Variants in CMC1 observed in about 807,000 individuals in gnomAD.
CMC1 encodes COX assembly mitochondrial protein homolog.
CMC1 carries 14 observed loss-of-function variants against 14.1 expected under a neutral mutation model. The observed-to-expected ratio is 0.99, with a 90% CI of 0.66 to 1.55. The LOEUF is 1.55. Ranked by LOEUF, CMC1 falls within the 40% of genes most tolerant of loss-of-function variation. CMC1 has a pLI of 0.00. For missense variants in CMC1, 127 were observed against 123.8 expected (o/e 1.03, Z -0.12); for synonymous variants, 50 against 38.4 (o/e 1.30, Z -1.12).
At chr3:28,280,436 C>T (rs949312855) in intron 2 of CMC1, among the ~76,000 whole-genome samples, 3 of 152,008 alleles carry the variant, frequency 2.0e-5, no homozygotes, top group Non-Finnish European at 4.4e-5. Context: ...ATATTGAACT[C>T]TTATCACATG....
intron 2 of CMC1, among the ~76,000 whole-genome samples, chr3:28,275,758 C>T (rs933410492): frequency 2.0e-5 from 3 of 152,126 alleles, no homozygotes; most frequent in African/African-American, 7.2e-5. Flanking sequence ...CCGCCCTTGC[C>T]CCCAGGGTCT....
At chr3:28,319,166 A>G in intron 3 of CMC1, 1 of 444,484 alleles carries the variant, frequency 2.2e-6, no homozygotes, top group Non-Finnish European at 4.5e-6. Flanking sequence ...TGCCCTCCCC[A>G]TTTCTTCCTT....
At chr3:28,290,504 A>T (rs1183977526) in intron 2 of CMC1, among the ~76,000 whole-genome samples, 2 of 151,948 alleles carry the variant, frequency 1.3e-5, no homozygotes, top group Non-Finnish European at 2.9e-5. Context: ...TCCCCACCCC[A>T]CCTTGCAATC....
intron 2 of CMC1, among the ~76,000 whole-genome samples, chr3:28,306,649 T>G (rs1231632998): frequency 6.6e-6 from 1 of 151,726 alleles, no homozygotes; most frequent in Non-Finnish European, 1.5e-5. Flanking sequence ...GAAGAATTTT[T>G]TTTTTTTTTT....
chr3:28,297,737 A>C (rs1701803407), intron 2 of CMC1, among the ~76,000 whole-genome samples: 1 of 152,036 alleles, frequency 6.6e-6, no homozygotes, highest in African/African-American at 2.4e-5. Flanking sequence ...CTTAGAAAAA[A>C]GGTAAATCCT....
chr3:28,290,649 A>C lies in CMC1; in HGVS notation c.110-25684A>C, dbSNP rs1298633188. ...AACATACTGTGCCCTTTTGGTTTGT[A>C]CATTTTTTTTAATCAGAAAACTTTT... On this transcript the variant is annotated intron_variant, in intron 2 of 3. Transcript: ENST00000466830. Among the ~76,000 whole-genome samples, 4 of 152,134 alleles carry C rather than the reference A, an allele frequency of 2.6e-5. No individual in the cohort carries two copies. The East Asian group carries it at 7.7e-4, about 29-fold the overall frequency.
intron 2 of CMC1, among the ~76,000 whole-genome samples, chr3:28,293,782 A>C (rs563388301): frequency 6.6e-6 from 1 of 151,962 alleles, no homozygotes; most frequent in Non-Finnish European, 1.5e-5. Flanking sequence ...GAGTTTCACC[A>C]TGTTGGCCAG....
chr3:28,265,352 ATATACAT>A (rs1163170077), intron 2 of CMC1, among the ~76,000 whole-genome samples: 1 of 152,164 alleles, frequency 6.6e-6, no homozygotes, highest in Non-Finnish European at 1.5e-5. Context: ...TTAGGAAATC[ATATACAT>A]TAGAATTATT....
rs1356806763 is a variant in CMC1 at position 28,325,136 on chromosome 3, A to AC, written c.*5507_*5508insC. On this transcript the variant is annotated 3_prime_UTR_variant, in exon 4 of 4. Coordinates refer to ENST00000466830, the MANE Select transcript of CMC1 (RefSeq NM_182523.2). ...CAATGTAGGTAAAGTAAAAAAAAAA[A>AC]AAAAAACAGCCAAAAAAAAAAAGTT... 3 of 150,378 alleles carry AC rather than the reference A, an allele frequency of 2.0e-5. No individual in the cohort carries two copies. Among genetic ancestry groups the AC allele is most frequent in the South Asian group, 4.2e-4 (2 of 4,810 alleles). The allele number at this position is 150,378 out of a possible 1,614,324, so 9.3% of individuals were successfully genotyped here. A position where few individuals can be genotyped will look rare whatever the true frequency, so the allele number is the denominator to read the frequency against.
intron 2 of CMC1, among the ~76,000 whole-genome samples, chr3:28,303,582 A>G (rs1190875597): frequency 6.6e-6 from 1 of 152,134 alleles, no homozygotes; most frequent in Non-Finnish European, 1.5e-5. Flanking sequence ...ATAAAGTACA[A>G]TGTTGGAAAT....
At chr3:28,255,770 T>G (rs1699375850) in intron 1 of CMC1, among the ~76,000 whole-genome samples, 1 of 147,162 alleles carries the variant, frequency 6.8e-6, no homozygotes, top group Non-Finnish European at 1.5e-5. Flanking sequence ...AGAGATGATA[T>G]GTAAAGCTTA....
rs576385698 is a variant in CMC1 at position 28,284,427 on chromosome 3, A to G, written c.109+21047A>G. On this transcript the variant is annotated intron_variant, in intron 2 of 3. Transcript: ENST00000466830. ...ACACAGGCTAAATCAGTGATCCTCAAACGTTCATTGTACTTCAGAATTATC... is the reference window on the plus strand; with the variant it reads ...ACACAGGCTAAATCAGTGATCCTCAGACGTTCATTGTACTTCAGAATTATC... 7.2e-5 allele frequency among the ~76,000 whole-genome samples: 11 copies of G among 152,314 alleles called. No homozygotes were observed. In the South Asian group the frequency reaches 2.3e-3, roughly 32 times the overall value.
intron 2 of CMC1, among the ~76,000 whole-genome samples, chr3:28,280,769 TA>T (rs1700846355): frequency 6.6e-6 from 1 of 152,210 alleles, no homozygotes; most frequent in Non-Finnish European, 1.5e-5. Context: ...GGTACAGCCA[TA>T]GGATATAAGA....
At chr3:28,247,626 C>T (rs925894680) in intron 1 of CMC1, among the ~76,000 whole-genome samples, 1 of 152,220 alleles carries the variant, frequency 6.6e-6, no homozygotes, top group Non-Finnish European at 1.5e-5. Context: ...GATACCAGCT[C>T]TATCCTAAAA....
intron 2 of CMC1, among the ~76,000 whole-genome samples, chr3:28,301,947 C>G (rs1420962498): frequency 1.3e-5 from 2 of 151,630 alleles, no homozygotes. Flanking sequence ...GGCTACCTTG[C>G]GAGTTAAGGA....
At position 28,243,742 on chromosome 3, in the gene CMC1, A is replaced by G. The variant is rs550614917; in HGVS notation, c.19+1930A>G. ...CTAGGGAACAGTAGTACATAGGACAAACAAAATTCCTGCTCCCAATAAAGC... is the reference window on the plus strand; with the variant it reads ...CTAGGGAACAGTAGTACATAGGACAGACAAAATTCCTGCTCCCAATAAAGC... On this transcript the variant is annotated intron_variant, in intron 1 of 3. Transcript: ENST00000466830. 5.3e-5 allele frequency among the ~76,000 whole-genome samples: 8 copies of G among 152,332 alleles called. No homozygotes were observed. The East Asian group carries it at 1.2e-3, about 22-fold the overall frequency.
intron 2 of CMC1, among the ~76,000 whole-genome samples, chr3:28,274,653 G>A (rs1003194135): frequency 2.0e-5 from 3 of 151,976 alleles, no homozygotes; most frequent in Admixed American, 6.6e-5. Context: ...TTTGAATGTT[G>A]GTCTGTCTTG....
intron 2 of CMC1, among the ~76,000 whole-genome samples, chr3:28,295,590 ACT>A (rs1701696478): frequency 6.6e-6 from 1 of 151,838 alleles, no homozygotes; most frequent in Non-Finnish European, 1.5e-5. Flanking sequence ...TTTTTCTGTA[ACT>A]CTTACCACAT....
chr3:28,283,292 TC>T (rs1387065692), intron 2 of CMC1, among the ~76,000 whole-genome samples: 1 of 151,880 alleles, frequency 6.6e-6, no homozygotes, highest in Non-Finnish European at 1.5e-5. Flanking sequence ...GGTAGGCAGA[TC>T]ACTTGAGGTC....
Sources: gnomAD v4.1 joint callset for allele counts (sites outside exome capture counted in the v4.1 genomes callset) on GRCh38, gnomAD v4.1.1 for gene constraint, MANE v1.5 for transcripts, NCBI Gene and HGNC (gene_info 2026-07-23, HGNC 2026-07-21) for gene names.